ACYP2: variants seen among roughly 807,000 people sequenced by gnomAD.
ACYP2 encodes acylphosphatase 2, also known as acylphosphatase-2.
ACYP2 carries 12 observed loss-of-function variants against 11.2 expected under a neutral mutation model. The ratio of observed to expected loss-of-function variants is 1.08; its 90% CI spans 0.69 to 1.74. The LOEUF (loss-of-function observed/expected upper bound fraction) is 1.74. Ranked by LOEUF, ACYP2 falls within the 40% of genes most tolerant of loss-of-function variation. ACYP2 has a pLI of 0.00. For synonymous variants in ACYP2, 43 were observed against 32.2 expected, an observed-to-expected ratio of 1.33 and a Z score of -1.13; for missense variants, 134 against 101.9, an observed-to-expected ratio of 1.31 and a Z score of -1.35.
chr2:54,040,699 A>C (rs1219224772), intron 2 of ACYP2, among the ~76,000 whole-genome samples: 1 of 152,230 alleles, frequency 6.6e-6, no homozygotes, highest in African/African-American at 2.4e-5. Flanking sequence ...TAACTGATCA[A>C]GTAAGATGAA....
intron 6 of ACYP2, among the ~76,000 whole-genome samples, chr2:54,274,990 T>G (rs906045298): frequency 6.6e-6 from 1 of 152,214 alleles, no homozygotes; most frequent in African/African-American, 2.4e-5. Flanking sequence ...CAGTTCAACC[T>G]GAGATGGTCC....
intron 6 of ACYP2, among the ~76,000 whole-genome samples, chr2:54,250,721 A>G (rs149366307): frequency 0.022 from 3,384 of 152,306 alleles, 112 homozygotes; most frequent in African/African-American, 0.075. Flanking sequence ...TTCATTTTCA[A>G]ATGGTAAATT....
At chr2:54,135,306 G>T in intron 4 of ACYP2, 147 bp from the exon 2 acceptor site, 1 of 661,108 alleles carries the variant, frequency 1.5e-6, no homozygotes, top group Non-Finnish European at 2.6e-6. Context: ...AATATTGTAG[G>T]ACCACAGTTG....
intron 6 of ACYP2, among the ~76,000 whole-genome samples, chr2:54,270,380 T>A (rs1234143155): frequency 6.6e-6 from 1 of 152,242 alleles, no homozygotes; most frequent in Non-Finnish European, 1.5e-5. Context: ...TACTCTGCTA[T>A]GTACCATAAG....
intron 6 of ACYP2, among the ~76,000 whole-genome samples, chr2:54,299,704 C>T (rs1689650968): frequency 6.6e-6 from 1 of 152,104 alleles, no homozygotes; most frequent in Non-Finnish European, 1.5e-5. Context: ...CACACTCCTT[C>T]ACCCACTCCG....
At chr2:54,271,427 AACTG>A (rs1688297247) in intron 6 of ACYP2, among the ~76,000 whole-genome samples, 1 of 152,180 alleles carries the variant, frequency 6.6e-6, no homozygotes, top group Non-Finnish European at 1.5e-5. Flanking sequence ...GTTTTCTGGC[AACTG>A]ACTGACCATA....
chr2:54,218,059 A>G (rs1685630919), intron 6 of ACYP2, among the ~76,000 whole-genome samples: 1 of 151,724 alleles, frequency 6.6e-6, no homozygotes. Context: ...CCCTCATTCT[A>G]CCCCCATTCC....
intron 6 of ACYP2, among the ~76,000 whole-genome samples, chr2:54,182,040 GA>G (rs1472820286): frequency 1.5e-5 from 2 of 133,890 alleles, no homozygotes; most frequent in Non-Finnish European, 3.1e-5. Context: ...CAGAAAAATA[GA>G]AGATAATTTT....
At chr2:54,061,066 G>T (rs1473744032) in intron 4 of ACYP2, among the ~76,000 whole-genome samples, 1 of 151,842 alleles carries the variant, frequency 6.6e-6, no homozygotes, top group Non-Finnish European at 1.5e-5. Context: ...TATTACCCAG[G>T]CTTGGTCTTG....
At chr2:54,055,988 C>A (rs1367621930) in intron 3 of ACYP2, among the ~76,000 whole-genome samples, 1 of 152,180 alleles carries the variant, frequency 6.6e-6, no homozygotes, top group Non-Finnish European at 1.5e-5. Flanking sequence ...AGATTTCTTT[C>A]ACTCCATGGA....
At chr2:54,048,631 G>T (rs1462044189) in intron 2 of ACYP2, among the ~76,000 whole-genome samples, 1 of 152,182 alleles carries the variant, frequency 6.6e-6, no homozygotes, top group African/African-American at 2.4e-5. Context: ...CACCAGAGTA[G>T]CTGTGATTAC....
chr2:54,243,092 T>C (rs886274377), intron 6 of ACYP2, among the ~76,000 whole-genome samples: 3 of 152,236 alleles, frequency 2.0e-5, no homozygotes, highest in Non-Finnish European at 4.4e-5. Context: ...TGATATGAGA[T>C]GACAATATTT....
At chr2:54,013,837 A>G (rs938906593) in intron 2 of ACYP2, among the ~76,000 whole-genome samples, 3 of 152,078 alleles carry the variant, frequency 2.0e-5, no homozygotes, top group African/African-American at 7.2e-5. Flanking sequence ...CTGGATAACA[A>G]TTTGTGGTTA....
Position 54,230,832 on chromosome 2 carries a change from T to TTC in ACYP2, c.405-73855_405-73854insCT, listed in dbSNP as rs201029165. Among the ~76,000 whole-genome samples the TTC allele has an allele frequency of 7.5e-3, 1,100 of 145,786 alleles. 11 individuals are homozygous for TTC. Among genetic ancestry groups the TTC allele is most frequent in the African/African-American group, 0.027 (1,061 of 39,298 alleles). ...AACCAATGTATTTCTTTCTTTTCTT[T>TTC]TTTTTTTTTTTTTTTGAGTCAAAGT... On this transcript the variant is annotated intron_variant, in intron 6 of 6. Coordinates refer to ENST00000607452, the MANE Select transcript of ACYP2 (RefSeq NM_001320586.2).
intron 4 of ACYP2, among the ~76,000 whole-genome samples, chr2:54,129,928 T>C (rs1358835445): frequency 2.0e-5 from 3 of 148,802 alleles, no homozygotes; most frequent in Non-Finnish European, 4.5e-5. Flanking sequence ...AATAAAGATA[T>C]ATAAAAATTT....
intron 6 of ACYP2, among the ~76,000 whole-genome samples, chr2:54,184,976 G>A (rs970498013): frequency 2.0e-4 from 30 of 151,838 alleles, no homozygotes; most frequent in African/African-American, 7.3e-4. Context: ...CTCCCGAGTA[G>A]CTGGGATTAC....
chr2:54,033,743 G>T (rs563145234), intron 2 of ACYP2, among the ~76,000 whole-genome samples: 3 of 152,346 alleles, frequency 2.0e-5, no homozygotes, highest in East Asian at 3.9e-4. Flanking sequence ...GCCAACCAAG[G>T]TAGCATGAAG....
intron 6 of ACYP2, among the ~76,000 whole-genome samples, chr2:54,172,999 A>G (rs142685302): frequency 0.013 from 1,992 of 152,326 alleles, 55 homozygotes; most frequent in African/African-American, 0.046. Flanking sequence ...TAGTGCCGCA[A>G]TAAACATATG....
At chr2:54,089,873 C>T (rs529377465) in intron 4 of ACYP2, among the ~76,000 whole-genome samples, 24 of 152,136 alleles carry the variant, frequency 1.6e-4, no homozygotes, top group Admixed American at 1.2e-3. Context: ...CAGCCGGACA[C>T]GGTGGCTCAT....
Sources: gnomAD v4.1 joint callset for allele counts (sites outside exome capture counted in the v4.1 genomes callset) on GRCh38, gnomAD v4.1.1 for gene constraint, MANE v1.5 for transcripts, NCBI Gene and HGNC (gene_info 2026-07-23, HGNC 2026-07-21) for gene names.